Variants in TYR observed in about 807,000 individuals in gnomAD.
TYR encodes the protein LB24-AB.
TYR carries 58 observed loss-of-function variants against 51.5 expected under a neutral mutation model. The observed-to-expected ratio is 1.13, with a 90% confidence interval of 0.91 to 1.40. The LOEUF (loss-of-function observed/expected upper bound fraction) is 1.40. TYR is among the 40% of genes most tolerant of loss of function. The pLI is 0.00. For missense variants in TYR, 732 were observed against 647.4 expected, an observed-to-expected ratio of 1.13 and a Z score of -1.42; for synonymous variants, 263 against 235.2, an observed-to-expected ratio of 1.12 and a Z score of -1.08.
intron 3 of TYR, among the ~76,000 whole-genome samples, chr11:89,281,509 C>A (rs567255184): frequency 4.9e-4 from 75 of 151,830 alleles, no homozygotes; most frequent in Non-Finnish European, 7.5e-4. Context: ...CTAGTCTAGA[C>A]TCAGTCTCCA....
At chr11:89,220,024 A>G (rs1943886714) in intron 2 of TYR, among the ~76,000 whole-genome samples, 1 of 152,220 alleles carries the variant, frequency 6.6e-6, no homozygotes, top group Non-Finnish European at 1.5e-5. Context: ...ATGTAACAGA[A>G]TAATTAAGAG....
At position 89,177,897 on chromosome 11, in the gene TYR, G is replaced by A; in HGVS notation, c.-57G>A. 6.4e-7 allele frequency: 1 copy of A among 1,567,784 alleles called. No individual in the cohort carries two copies. The highest frequency in any genetic ancestry group is 8.8e-7 in the Non-Finnish European group (1 of 1,141,250). ...ATCACTGTAGTAGTAGCTGGAAAGA[G>A]AAATCTGTGACTCCAATTAGCCAGT... On this transcript the variant is annotated 5_prime_UTR_variant, in exon 1 of 5. Transcript: ENST00000263321.
chr11:89,264,352 A>C (rs7127196), intron 3 of TYR, among the ~76,000 whole-genome samples: 15,961 of 151,840 alleles, frequency 0.11, 1,543 homozygotes, highest in African/African-American at 0.25. Context: ...TATTTATCAA[A>C]CCTTGGATTA....
chr11:89,197,715 C>G (rs1198280531), intron 2 of TYR, among the ~76,000 whole-genome samples: 5 of 151,922 alleles, frequency 3.3e-5, no homozygotes, highest in African/African-American at 9.6e-5. Flanking sequence ...GGTTAGTATA[C>G]AGAATCAGAA....
intron 2 of TYR, among the ~76,000 whole-genome samples, chr11:89,220,207 A>G (rs2135276214): frequency 6.6e-6 from 1 of 152,264 alleles, no homozygotes; most frequent in Admixed American, 6.5e-5. Flanking sequence ...CAGTGCTGAC[A>G]TCTGCCTGGC....
intron 3 of TYR, among the ~76,000 whole-genome samples, chr11:89,257,146 G>A (rs1408410264): frequency 6.6e-6 from 1 of 151,892 alleles, no homozygotes; most frequent in Non-Finnish European, 1.5e-5. Flanking sequence ...GTGTCTATCA[G>A]GGGTTCAACT....
intron 2 of TYR, among the ~76,000 whole-genome samples, chr11:89,207,308 C>T (rs1943684967): frequency 1.3e-5 from 2 of 152,078 alleles, no homozygotes; most frequent in Admixed American, 6.5e-5. Flanking sequence ...ATCTTGCAGA[C>T]ATCAAAAGGG....
chr11:89,233,093 T>A (rs1944071819), intron 3 of TYR, among the ~76,000 whole-genome samples: 1 of 144,054 alleles, frequency 6.9e-6, no homozygotes, highest in South Asian at 2.3e-4. Flanking sequence ...GGACTCAATC[T>A]TCTGAAAGCC....
At chr11:89,270,241 A>G (rs1944572690) in intron 3 of TYR, among the ~76,000 whole-genome samples, 1 of 151,814 alleles carries the variant, frequency 6.6e-6, no homozygotes, top group Non-Finnish European at 1.5e-5. Flanking sequence ...TACTCCTACT[A>G]GAATGCTTTT....
At chr11:89,202,767 T>C (rs752772937) in intron 2 of TYR, among the ~76,000 whole-genome samples, 60 of 152,198 alleles carry the variant, frequency 3.9e-4, no homozygotes, top group Non-Finnish European at 8.1e-4. Context: ...ATTTCTTTTC[T>C]TAAGATGTAA....
At chr11:89,258,396 A>G (rs1280031107) in intron 3 of TYR, among the ~76,000 whole-genome samples, 2 of 151,908 alleles carry the variant, frequency 1.3e-5, no homozygotes, top group Non-Finnish European at 2.9e-5. Flanking sequence ...AGGAAAAATA[A>G]AGGAAATCTC....
At chr11:89,282,538 C>G (rs1234720249) in intron 3 of TYR, among the ~76,000 whole-genome samples, 2 of 151,570 alleles carry the variant, frequency 1.3e-5, no homozygotes, top group African/African-American at 4.8e-5. Flanking sequence ...TTTTTCTTTT[C>G]TCCTTTTTCT....
chr11:89,190,501 T>G (rs1327352402), intron 1 of TYR, among the ~76,000 whole-genome samples: 4 of 152,172 alleles, frequency 2.6e-5, no homozygotes, highest in Non-Finnish European at 5.9e-5. Context: ...TTCCTACAGT[T>G]GTACAATATG....
At chr11:89,212,557 A>G (rs1445536992) in intron 2 of TYR, among the ~76,000 whole-genome samples, 1 of 147,864 alleles carries the variant, frequency 6.8e-6, no homozygotes, top group African/African-American at 2.6e-5. Flanking sequence ...AATCAATAGA[A>G]AAACAGGGAA....
chr11:89,220,874 T>C (rs932563730), intron 2 of TYR, among the ~76,000 whole-genome samples: 2 of 152,070 alleles, frequency 1.3e-5, no homozygotes, highest in African/African-American at 2.4e-5. Context: ...GAATAGAAGG[T>C]GTAGTAATAG....
At chr11:89,247,459 A>G (rs1590876744) in intron 3 of TYR, among the ~76,000 whole-genome samples, 1 of 152,242 alleles carries the variant, frequency 6.6e-6, no homozygotes, top group South Asian at 2.1e-4. Context: ...ATCATGTACT[A>G]TAACTAACAA....
At chr11:89,198,754 C>CATATATATATATATATATATAT (rs144458836) in intron 2 of TYR, among the ~76,000 whole-genome samples, 19 of 146,396 alleles carry the variant, frequency 1.3e-4, no homozygotes, top group African/African-American at 5.0e-4. Context: ...ACTTTTTTCT[C>CATATATATATATATATATATAT]ATATATATAT....
chr11:89,259,493 C>T (rs1468639176), intron 3 of TYR, among the ~76,000 whole-genome samples: 2 of 152,042 alleles, frequency 1.3e-5, no homozygotes, highest in South Asian at 2.1e-4. Context: ...AATTAGGTCC[C>T]TTTGGAAATA....
At chr11:89,253,481 T>G (rs1303916318) in intron 3 of TYR, among the ~76,000 whole-genome samples, 1 of 151,860 alleles carries the variant, frequency 6.6e-6, no homozygotes, top group Non-Finnish European at 1.5e-5. Flanking sequence ...GTTTGTGTTG[T>G]CTATGATTTC....
Sources: gnomAD v4.1 joint callset for allele counts (sites outside exome capture counted in the v4.1 genomes callset) on GRCh38, gnomAD v4.1.1 for gene constraint, MANE v1.5 for transcripts, NCBI Gene and HGNC (gene_info 2026-07-23, HGNC 2026-07-21) for gene names.